The following NAV2 variants were observed in gnomAD, a reference collection of about 807,000 sequenced individuals.
NAV2 encodes the protein neuron navigator 2.
In NAV2, 54 loss-of-function variants were observed where a neutral mutation model predicts 223.2. That is an observed-to-expected ratio of 0.24 (90% CI 0.19 to 0.30). NAV2 has a LOEUF of 0.30. Ranked by LOEUF, NAV2 falls within the 10% of genes least tolerant of loss-of-function variation. The pLI is 1.00. For missense variants in NAV2, 2,806 were observed against 3,147.5 expected (o/e 0.89, Z 2.60); for synonymous variants, 1,279 against 1,239.3 (o/e 1.03, Z -0.67).
chr11:20,053,906 T>C (rs750426975), intron 17 of NAV2, among the ~76,000 whole-genome samples, 174 bp from the exon 18 acceptor site: 2 of 152,092 alleles, frequency 1.3e-5, no homozygotes, highest in African/African-American at 4.8e-5. Flanking sequence ...CACAGCCAAA[T>C]AGAAAAAAGG....
intron 1 of NAV2, chr11:19,714,197 G>A: frequency 4.3e-6 from 3 of 694,882 alleles, no homozygotes; most frequent in South Asian, 1.5e-5. Context: ...GGGATGGCGG[G>A]CACGTCTGCA....
chr11:19,735,522 T>C (rs2052199150), intron 1 of NAV2, among the ~76,000 whole-genome samples: 1 of 152,242 alleles, frequency 6.6e-6, no homozygotes, highest in Admixed American at 6.5e-5. Flanking sequence ...AAATCAGCAC[T>C]ATTATTCACC....
chr11:19,751,118 A>C (rs962141071), intron 1 of NAV2, among the ~76,000 whole-genome samples: 1 of 152,202 alleles, frequency 6.6e-6, no homozygotes, highest in Admixed American at 6.5e-5. Context: ...AAATGCTACA[A>C]ATCAGAGCAT....
In NAV2 at chr11:19,654,645, G is replaced by A. The variant is rs546352974; in HGVS notation, c.76-177839G>A. Among the ~76,000 whole-genome samples, 21 of 152,276 alleles carry A rather than the reference G, an allele frequency of 1.4e-4. No homozygotes were observed. In the South Asian group the frequency reaches 3.1e-3, roughly 23 times the overall value. ...TGACAAAAACAAGAAATGGGGAAAG[G>A]ATCCCTATTTAATAAATGGTGCTGG... On this transcript the variant is annotated intron_variant, in intron 1 of 37. Transcript: ENST00000360655.
chr11:19,826,254 A>G (rs945416216), intron 1 of NAV2, among the ~76,000 whole-genome samples: 1 of 152,218 alleles, frequency 6.6e-6, no homozygotes, highest in African/African-American at 2.4e-5. Flanking sequence ...TGAAGAATCA[A>G]TGGGCTCCTG....
At chr11:19,624,314 G>T (rs1408654074) in intron 1 of NAV2, among the ~76,000 whole-genome samples, 1 of 152,204 alleles carries the variant, frequency 6.6e-6, no homozygotes, top group Non-Finnish European at 1.5e-5. Context: ...GGACATTTAA[G>T]TCTGCAGAAG....
At chr11:19,422,347 C>A (rs938637823) in intron 1 of NAV2, among the ~76,000 whole-genome samples, 1 of 152,200 alleles carries the variant, frequency 6.6e-6, no homozygotes, top group Non-Finnish European at 1.5e-5. Flanking sequence ...GGCCTTCATG[C>A]GTGATCCCAT....
intron 1 of NAV2, among the ~76,000 whole-genome samples, chr11:19,419,891 C>T (rs1329210747): frequency 2.0e-5 from 3 of 152,174 alleles, no homozygotes; most frequent in Non-Finnish European, 2.9e-5. Flanking sequence ...GAGAATAATT[C>T]CTTCCTTGCC....
At chr11:19,366,036 T>C in intron 1 of NAV2, among the ~76,000 whole-genome samples, 1 of 152,212 alleles carries the variant, frequency 6.6e-6, no homozygotes, top group East Asian at 1.9e-4. Flanking sequence ...GAAACAGCTC[T>C]GAGAATGGGG....
At chr11:19,991,904 CCT>C (rs2051374151) in intron 11 of NAV2, among the ~76,000 whole-genome samples, 1 of 152,146 alleles carries the variant, frequency 6.6e-6, no homozygotes, top group African/African-American at 2.4e-5. Context: ...CAGCCCTTCC[CCT>C]CTCTTCCTCT....
chr11:19,670,007 GTCCCATGCGA>G (rs2135797052), intron 1 of NAV2, among the ~76,000 whole-genome samples: 1 of 152,310 alleles, frequency 6.6e-6, no homozygotes, highest in South Asian at 2.1e-4. Flanking sequence ...TTGCCACAAA[GTCCCATGCGA>G]TCCAGCTCCT....
At chr11:19,564,285 C>T (rs1565053954) in intron 1 of NAV2, among the ~76,000 whole-genome samples, 1 of 152,192 alleles carries the variant, frequency 6.6e-6, no homozygotes, top group Non-Finnish European at 1.5e-5. Context: ...AGGCTGGGAT[C>T]AGCGTTTCTT....
At chr11:20,095,563 T>G in intron 29 of NAV2, 109 bp from the exon 30 acceptor site, 1 of 740,116 alleles carries the variant, frequency 1.4e-6, no homozygotes, top group South Asian at 1.6e-5. Flanking sequence ...AGGACTTTTA[T>G]TCCCCTCTCA....
intron 1 of NAV2, among the ~76,000 whole-genome samples, chr11:19,780,014 T>C (rs1484940545): frequency 2.0e-5 from 3 of 152,216 alleles, no homozygotes; most frequent in Admixed American, 6.5e-5. Flanking sequence ...AACCCACAGC[T>C]TGAAAATGCA....
chr11:19,463,627 GCTGCTAAATTTT>G (rs1375721330), intron 1 of NAV2, among the ~76,000 whole-genome samples: 1 of 152,256 alleles, frequency 6.6e-6, no homozygotes, highest in African/African-American at 2.4e-5. Context: ...CTGTGTGAGG[GCTGCTAAATTTT>G]CTGGAGAGGG....
At chr11:19,950,845 T>C (rs2047335663) in intron 10 of NAV2, among the ~76,000 whole-genome samples, 1 of 152,234 alleles carries the variant, frequency 6.6e-6, no homozygotes, top group Non-Finnish European at 1.5e-5. Flanking sequence ...TCCAATTTTA[T>C]GCTTAGGTTC....
intron 1 of NAV2, among the ~76,000 whole-genome samples, chr11:19,402,954 A>G (rs78622602): frequency 0.033 from 5,019 of 152,334 alleles, 117 homozygotes; most frequent in Non-Finnish European, 0.047. Context: ...TCCCTCATCC[A>G]TTCATTACTA....
At chr11:19,821,028 C>A (rs1391237353) in intron 1 of NAV2, among the ~76,000 whole-genome samples, 3 of 152,092 alleles carry the variant, frequency 2.0e-5, no homozygotes, top group East Asian at 1.9e-4. Context: ...TTTGGGAGGC[C>A]GAGGCGGGCA....
In NAV2 at chr11:19,948,893, C is replaced by A. The variant is rs375998501; in HGVS notation, c.2458C>A (p.Arg820Ser). ...ASRFINTESG[R>S]YVYSAPLRRQ... ...CAGGTTCATCAACACTGAGTCAGGT[C>A]GCTATGTGTACTCCGCCCCTCTGAG... Residue 820 changes from arginine (R) to serine (S), a missense_variant, in exon 10 of 38, where the codon CGC becomes AGC. Around this residue, in one of 4 missense-constraint regions of NAV2, gnomAD observed 1,167 missense variants for 1,180.5 expected, o/e 0.99. Transcript: ENST00000349880. The A allele has an allele frequency of 2.5e-6, 4 of 1,613,992 alleles. No homozygotes were observed. The highest frequency in any genetic ancestry group is 3.4e-6 in the Non-Finnish European group (4 of 1,179,988).
Sources: allele counts gnomAD v4.1 joint callset (sites outside exome capture counted in the v4.1 genomes callset), GRCh38; gene constraint gnomAD v4.1.1; regional missense constraint gnomAD v4.1.1; transcripts MANE v1.5; gene names NCBI Gene and HGNC (gene_info 2026-07-23, HGNC 2026-07-21).